The following PI4K2B variants were observed in gnomAD, a reference collection of about 807,000 sequenced individuals.
PI4K2B encodes phosphatidylinositol 4-kinase type 2-beta.
PI4K2B carries 46 observed loss-of-function variants against 56.6 expected under a neutral mutation model. That is an observed-to-expected ratio of 0.81 (90% CI 0.64 to 1.04). PI4K2B has a LOEUF of 1.04. Among genes scored for constraint, PI4K2B ranks in the 50% least tolerant of loss-of-function variants. The pLI, the probability that PI4K2B is intolerant of heterozygous loss-of-function variation, is 0.00. For synonymous variants in PI4K2B, 211 were observed against 223.8 expected, an observed-to-expected ratio of 0.94 and a Z score of 0.51; for missense variants, 556 against 607.7, an observed-to-expected ratio of 0.91 and a Z score of 0.89.
intron 2 of PI4K2B, among the ~76,000 whole-genome samples, chr4:25,253,110 G>A (rs984576995): frequency 4.6e-5 from 7 of 152,136 alleles, no homozygotes; most frequent in Non-Finnish European, 8.8e-5. Context: ...AGCCAAACAC[G>A]GTGGAAGGTT....
chr4:25,255,288 C>A lies in PI4K2B; in HGVS notation c.624+23C>A, dbSNP rs370194199. ...AAGGTAAGCCAGACTTTATTTTTAA[C>A]CATGGACTTTTAATTTACAACCTGC... On this transcript the variant is annotated intron_variant, in intron 3 of 9. Coordinates refer to ENST00000264864, the MANE Select transcript of PI4K2B (RefSeq NM_018323.4). 6.3e-6 allele frequency: 10 copies of A among 1,582,098 alleles called. No homozygotes were observed. In the African/African-American group the frequency reaches 1.1e-4, roughly 17 times the overall value.
intron 6 of PI4K2B, 81 bp from the exon 7 acceptor site, chr4:25,263,669 C>T (rs1193611212): frequency 1.6e-5 from 9 of 558,106 alleles, no homozygotes; most frequent in Non-Finnish European, 2.6e-5. Flanking sequence ...TCTTAAACCT[C>T]AATAATTATT....
chr4:25,273,834 C>A (rs1177122506), intron 9 of PI4K2B, among the ~76,000 whole-genome samples: 1 of 152,220 alleles, frequency 6.6e-6, no homozygotes, highest in Non-Finnish European at 1.5e-5. Context: ...GCTTTCAGCA[C>A]AGTCGACAAC....
intron 7 of PI4K2B, among the ~76,000 whole-genome samples, chr4:25,265,170 G>A (rs1247044984): frequency 3.0e-5 from 3 of 100,478 alleles, no homozygotes; most frequent in Non-Finnish European, 5.5e-5. Flanking sequence ...ACTCCAGCCT[G>A]GGCAACAAGA....
chr4:25,271,590 G>A (rs1716897049), intron 9 of PI4K2B, among the ~76,000 whole-genome samples: 1 of 152,126 alleles, frequency 6.6e-6, no homozygotes, highest in Non-Finnish European at 1.5e-5. Context: ...TTATAATCAT[G>A]TTGCAGAGTT....
intron 6 of PI4K2B, among the ~76,000 whole-genome samples, chr4:25,261,357 G>A (rs1169201845): frequency 1.3e-5 from 2 of 152,112 alleles, no homozygotes. Context: ...AGACTGCATA[G>A]AGCCTCAACA....
intron 1 of PI4K2B, among the ~76,000 whole-genome samples, chr4:25,247,189 C>G (rs561869839): frequency 4.3e-4 from 65 of 152,356 alleles, no homozygotes; most frequent in African/African-American, 1.5e-3. Context: ...ATTGTCTTAT[C>G]TAGGTTCAAC....
chr4:25,260,908 G>A (rs1301814363), intron 6 of PI4K2B, among the ~76,000 whole-genome samples: 2 of 136,932 alleles, frequency 1.5e-5, no homozygotes, highest in Non-Finnish European at 3.1e-5. Flanking sequence ...GGATTTTGCC[G>A]TGTTGGCCAG....
At chr4:25,245,172 C>T (rs147468215) in intron 1 of PI4K2B, among the ~76,000 whole-genome samples, 2,045 of 152,148 alleles carry the variant, frequency 0.013, 18 homozygotes, top group Middle Eastern at 0.031. Context: ...GATGGGGCTT[C>T]GGGCAAAAAT....
intron 6 of PI4K2B, 48 bp downstream of exon 6, chr4:25,260,639 T>TAC (rs1222892257): frequency 0.016 from 918 of 58,232 alleles, 2 homozygotes; most frequent in Non-Finnish European, 0.023. Context: ...TATATATATA[T>TAC]ATACACACAC....
At chr4:25,254,831 A>G (rs984343685) in intron 2 of PI4K2B, among the ~76,000 whole-genome samples, 1 of 152,172 alleles carries the variant, frequency 6.6e-6, no homozygotes, top group African/African-American at 2.4e-5. Flanking sequence ...GGTTTGTCAG[A>G]GCACAGTTTG....
chr4:25,265,318 G>A (rs1029356603), intron 7 of PI4K2B, among the ~76,000 whole-genome samples: 25 of 151,054 alleles, frequency 1.7e-4, no homozygotes, highest in Admixed American at 7.9e-4. Context: ...GTTAAGCATC[G>A]GTCCTTCTAT....
At chr4:25,246,814 G>C (rs2109090589) in intron 1 of PI4K2B, among the ~76,000 whole-genome samples, 1 of 152,320 alleles carries the variant, frequency 6.6e-6, no homozygotes, top group East Asian at 1.9e-4. Context: ...CGCAGCGCTG[G>C]CCCAGGGGGA....
chr4:25,234,263 G>T lies in PI4K2B; in HGVS notation c.100G>T (p.Ala34Ser). Residue 34 changes from alanine to serine, a missense_variant, in exon 1 of 10, where the codon GCC becomes TCC. Transcript: ENST00000264864. ...GCGGGAGCCGCTGCTACCGCGGATC[G>T]CCTGGGCCCACCCGCGGAGAGGCGC... ...GEREPLLPRIAWAHPRRGAPG... is the reference protein window; with the variant it reads ...GEREPLLPRISWAHPRRGAPG... The T allele has an allele frequency of 1.4e-6, 2 of 1,425,692 alleles. No individual in the cohort carries two copies. Among genetic ancestry groups the T allele is most frequent in the Non-Finnish European group, 1.8e-6 (2 of 1,087,224 alleles). The allele number at this position is 1,425,692 out of a possible 1,614,324, so 88.3% of individuals were successfully genotyped here.
intron 1 of PI4K2B, among the ~76,000 whole-genome samples, chr4:25,247,615 G>C (rs1715845244): frequency 6.6e-6 from 1 of 152,210 alleles, no homozygotes; most frequent in South Asian, 2.1e-4. Flanking sequence ...GGAAGACTTA[G>C]AGAAAGTGGC....
chr4:25,275,480 A>G (rs913671396), intron 9 of PI4K2B, among the ~76,000 whole-genome samples: 1 of 152,114 alleles, frequency 6.6e-6, no homozygotes, highest in African/African-American at 2.4e-5. Flanking sequence ...TCTGGGCAAC[A>G]AAGCGAAACC....
chr4:25,265,198 C>CAAAAAAAAAAAAAAAAAA (rs71188933), intron 7 of PI4K2B, among the ~76,000 whole-genome samples: 5 of 65,394 alleles, frequency 7.6e-5, no homozygotes, highest in African/African-American at 2.7e-4. Flanking sequence ...TCTGTCTCAC[C>CAAAAAAAAAAAAAAAAAA]AAAAAAAAAA....
At chr4:25,251,746 C>T (rs1003727539) in intron 1 of PI4K2B, among the ~76,000 whole-genome samples, 1 of 151,972 alleles carries the variant, frequency 6.6e-6, no homozygotes, top group East Asian at 1.9e-4. Flanking sequence ...ATTGCAGGAC[C>T]GAAGTTCAAA....
chr4:25,271,861 G>T (rs554887688), intron 9 of PI4K2B, among the ~76,000 whole-genome samples: 3 of 152,322 alleles, frequency 2.0e-5, no homozygotes, highest in African/African-American at 7.2e-5. Flanking sequence ...AAAAATACCT[G>T]TCTGAGTGCA....
Sources: gnomAD v4.1 joint callset for allele counts (sites outside exome capture counted in the v4.1 genomes callset) on GRCh38, gnomAD v4.1.1 for gene constraint, MANE v1.5 for transcripts, NCBI Gene and HGNC (gene_info 2026-07-23, HGNC 2026-07-21) for gene names.